The following PLEKHA7 variants were observed in gnomAD, a reference collection of about 807,000 sequenced individuals.
PLEKHA7 encodes the protein pleckstrin homology domain containing A7, also known as pleckstrin homology domain-containing family A member 7.
In PLEKHA7, 104 loss-of-function variants were observed where a neutral mutation model predicts 170.0. The observed-to-expected ratio is 0.61, with a 90% CI of 0.52 to 0.72. The LOEUF is 0.72. PLEKHA7 is among the 30% of genes least tolerant of loss of function. The pLI is 0.00. For synonymous variants in PLEKHA7, 648 were observed against 660.8 expected (o/e 0.98, Z 0.30); for missense variants, 1,615 against 1,671.7 (o/e 0.97, Z 0.59).
intron 3 of PLEKHA7, among the ~76,000 whole-genome samples, chr11:16,906,310 T>C (rs954575994): frequency 7.3e-5 from 10 of 137,592 alleles, no homozygotes; most frequent in Non-Finnish European, 1.6e-4. Flanking sequence ...GCTCCTCCTC[T>C]CCCTCTCCCT....
intron 3 of PLEKHA7, among the ~76,000 whole-genome samples, chr11:16,954,544 A>C (rs920396127): frequency 6.6e-6 from 1 of 152,070 alleles, no homozygotes; most frequent in Non-Finnish European, 1.5e-5. Context: ...TAAAAAAAAA[A>C]AAACAAAAAC....
intron 3 of PLEKHA7, among the ~76,000 whole-genome samples, chr11:16,992,755 CAA>C (rs10610034): frequency 0.45 from 53,124 of 118,438 alleles, 10,376 homozygotes; most frequent in East Asian, 0.6. Flanking sequence ...GACTCTATCT[CAA>C]AAAAAAAAAA....
In PLEKHA7 at chr11:16,854,788, AG is replaced by A. The variant is rs1853289488; in HGVS notation, c.522+100del. The A allele has an allele frequency of 3.0e-6, 3 of 994,244 alleles. No individual in the cohort carries two copies. In the African/African-American group the frequency reaches 4.8e-5, roughly 16 times the overall value. The allele number at this position is 994,244 out of a possible 1,614,324, so 61.6% of individuals were successfully genotyped here. ...AGCTGCCTCAGACAAACTCAGGAACAGAAAGCTTATGTGCCCATCCCTAGCT... is the reference window on the plus strand; with the variant it reads ...AGCTGCCTCAGACAAACTCAGGAACAAAAGCTTATGTGCCCATCCCTAGCT... On this transcript the variant is annotated intron_variant, in intron 6 of 26. Coordinates refer to ENST00000531066, the MANE Select transcript of PLEKHA7 (RefSeq NM_001329630.2).
chr11:16,839,654 C>A (rs1004223119), intron 9 of PLEKHA7, among the ~76,000 whole-genome samples: 9 of 151,946 alleles, frequency 5.9e-5, no homozygotes, highest in Admixed American at 1.3e-4. Flanking sequence ...TACAGTATAA[C>A]AACTATTTAC....
rs1043477833 is a variant in PLEKHA7, at chr11:16,777,523, T to C, written c.*1475A>G. 2.6e-5 allele frequency: 4 copies of C among 152,248 alleles called. No homozygotes were observed. Among genetic ancestry groups the C allele is most frequent in the African/African-American group, 9.6e-5 (4 of 41,464 alleles). The allele number at this position is 152,248 out of a possible 1,614,324, so 9.4% of individuals were successfully genotyped here. On this transcript the variant is annotated 3_prime_UTR_variant, in exon 27 of 27. Transcript: ENST00000531066. ...ATATATTCAAAATTCTATTTTTTTT[T>C]CTGAGCATAGTCAAAGAGAAATTTT... is the stretch of plus-strand genomic sequence containing the variant.
chr11:16,813,027 C>T (rs545478016), intron 13 of PLEKHA7, 86 bp downstream of exon 13: 16 of 1,156,764 alleles, frequency 1.4e-5, no homozygotes, highest in South Asian at 3.8e-5. Context: ...ACCTGTCTGG[C>T]CTTTGGCTTT....
In PLEKHA7 at chr11:16,816,252, CATGAG is replaced by C; in HGVS notation, c.1874_1878del (p.Ser625CysfsTer27). The C allele has an allele frequency of 1.2e-6, 2 of 1,613,300 alleles. No homozygotes were observed. The highest frequency in any genetic ancestry group is 1.7e-6 in the Non-Finnish European group (2 of 1,179,418). On this transcript the variant is annotated frameshift_variant, in exon 12 of 27. Coordinates refer to ENST00000531066, the MANE Select transcript of PLEKHA7 (RefSeq NM_001329630.2). LOFTEE classifies it high-confidence loss of function. The stretch of plus-strand genomic sequence containing the variant: ...ATGGAGGGCATGGAGCGTCGGTCCA[CATGAG>C]ATGAGTTCTGCAAGTGGGGAGACAA...
chr11:16,808,345 C>A (rs1849132130), intron 13 of PLEKHA7, among the ~76,000 whole-genome samples: 3 of 152,160 alleles, frequency 2.0e-5, no homozygotes, highest in Admixed American at 1.3e-4. Context: ...GAACAATAGA[C>A]CTCAAACCCT....
intron 3 of PLEKHA7, among the ~76,000 whole-genome samples, chr11:16,975,554 G>A (rs907425029): frequency 1.3e-5 from 2 of 152,134 alleles, no homozygotes; most frequent in Non-Finnish European, 2.9e-5. Context: ...AGAAACTTGA[G>A]CATCCACTGA....
Position 16,789,917 on chromosome 11 carries a change from G to A in PLEKHA7, c.3053-39C>T. 1 of 1,553,918 alleles carries A rather than the reference G, an allele frequency of 6.4e-7. No homozygotes were observed. The highest frequency in any genetic ancestry group is 8.9e-7 in the Non-Finnish European group (1 of 1,126,012). ...GAGAAGTGCAAGCATGTTTGTGCTG[G>A]GGTGGATGGGTCCCTGCTTCTCCCT... On this transcript the variant is annotated intron_variant, in intron 21 of 26. Coordinates refer to ENST00000531066, the MANE Select transcript of PLEKHA7 (RefSeq NM_001329630.2). This position sits in a 1 kb window ranked among gnomAD's most constrained non-coding sequence, Gnocchi z 4.6.
chr11:16,907,572 G>GC (rs1430817298), intron 3 of PLEKHA7, among the ~76,000 whole-genome samples: 6 of 120,632 alleles, frequency 5.0e-5, no homozygotes, highest in Admixed American at 2.3e-4. Flanking sequence ...GGGGGGGTCA[G>GC]CCCCCCGCCC....
At chr11:16,806,905 G>T (rs1332688266) in intron 13 of PLEKHA7, among the ~76,000 whole-genome samples, 3 of 152,220 alleles carry the variant, frequency 2.0e-5, no homozygotes, top group African/African-American at 7.2e-5. Flanking sequence ...AGCCAGGCAA[G>T]CTCCCCCACC....
At chr11:16,958,349 G>A (rs1409978631) in intron 3 of PLEKHA7, among the ~76,000 whole-genome samples, 1 of 151,686 alleles carries the variant, frequency 6.6e-6, no homozygotes, top group African/African-American at 2.4e-5. Flanking sequence ...AAAAGGTCAC[G>A]CTTCAGAGGA....
chr11:16,958,422 CTG>C (rs962982396), intron 3 of PLEKHA7, among the ~76,000 whole-genome samples: 2 of 152,124 alleles, frequency 1.3e-5, no homozygotes, highest in Admixed American at 6.6e-5. Flanking sequence ...AAAAGAATAT[CTG>C]TGTATGCATG....
chr11:16,828,018 G>A (rs565771500), intron 9 of PLEKHA7, among the ~76,000 whole-genome samples: 15 of 152,118 alleles, frequency 9.9e-5, no homozygotes, highest in African/African-American at 3.1e-4. Flanking sequence ...CAGATTCAGC[G>A]CAGAAGCAAC....
chr11:16,810,950 A>T (rs1203685588), intron 13 of PLEKHA7, among the ~76,000 whole-genome samples: 1 of 152,186 alleles, frequency 6.6e-6, no homozygotes, highest in African/African-American at 2.4e-5. Context: ...CACTTCCCTT[A>T]CAGGGCCACT....
intron 3 of PLEKHA7, among the ~76,000 whole-genome samples, chr11:17,007,408 C>T (rs954154672): frequency 6.6e-6 from 1 of 152,056 alleles, no homozygotes; most frequent in Non-Finnish European, 1.5e-5. Context: ...CCGCAACCTT[C>T]ACCTCCTGGG....
chr11:16,878,992 G>A (rs551152633), intron 3 of PLEKHA7, among the ~76,000 whole-genome samples: 3 of 152,256 alleles, frequency 2.0e-5, no homozygotes, highest in Admixed American at 6.5e-5. Context: ...CAACTCCCCT[G>A]TAAAGGAGGG....
chr11:16,853,450 C>T (rs1397438563), intron 6 of PLEKHA7, among the ~76,000 whole-genome samples: 1 of 152,196 alleles, frequency 6.6e-6, no homozygotes, highest in Non-Finnish European at 1.5e-5. Flanking sequence ...GACCTCTTAT[C>T]TATGCTTCCA....
Sources: gnomAD v4.1 joint callset for allele counts (sites outside exome capture counted in the v4.1 genomes callset) on GRCh38, gnomAD v4.1.1 for gene constraint, Gnocchi (gnomAD v3.1) non-coding constraint, MANE v1.5 for transcripts, NCBI Gene and HGNC (gene_info 2026-07-23, HGNC 2026-07-21) for gene names.